PRUNE2: variants seen among roughly 807,000 people sequenced by gnomAD.
The protein encoded by PRUNE2 is prune homolog 2 with BCH domain.
In PRUNE2, 164 loss-of-function variants were observed where a neutral mutation model predicts 252.0. That is an observed-to-expected ratio of 0.65 (90% CI 0.57 to 0.74). The LOEUF (loss-of-function observed/expected upper bound fraction) is 0.74, where lower values mean the gene tolerates loss of function less well. Among genes scored for constraint, PRUNE2 ranks in the 30% least tolerant of loss-of-function variants. The pLI, the probability that PRUNE2 is intolerant of heterozygous loss-of-function variation, is 0.00. For missense variants in PRUNE2, 3,495 were observed against 3,711.0 expected (o/e 0.94, Z 1.51); for synonymous variants, 1,292 against 1,350.2 (o/e 0.96, Z 0.94).
chr9:76,768,050 G>C (rs984743324), intron 6 of PRUNE2, among the ~76,000 whole-genome samples: 4 of 152,152 alleles, frequency 2.6e-5, no homozygotes, highest in African/African-American at 7.2e-5. Context: ...AGGTCAGAGG[G>C]AGTCCTGTCA....
At chr9:76,866,624 G>T (rs1031019981) in intron 1 of PRUNE2, among the ~76,000 whole-genome samples, 1 of 152,118 alleles carries the variant, frequency 6.6e-6, no homozygotes, top group Non-Finnish European at 1.5e-5. Flanking sequence ...AGATGGGCAC[G>T]TGGAGTTCTC....
In PRUNE2 at chr9:76,619,207, A is replaced by G. The variant is rs1254116465; in HGVS notation, c.9236+133T>C. 5.0e-6 allele frequency: 3 copies of G among 600,356 alleles called. No individual in the cohort carries two copies. In the Admixed American group the frequency reaches 9.1e-5, roughly 18 times the overall value. 37.2% of individuals were successfully genotyped at this position (600,356 alleles called of 1,614,324 possible). On this transcript the variant is annotated intron_variant, in intron 18 of 18. Transcript: ENST00000376718. Reference sequence around the variant, plus strand: ...TGGCAAATATAGCTTCAGGTTTCTAATTTCAGGAATGGAGCACAGGAAAGC... The same window carrying G: ...TGGCAAATATAGCTTCAGGTTTCTAGTTTCAGGAATGGAGCACAGGAAAGC...
intron 1 of PRUNE2, among the ~76,000 whole-genome samples, chr9:76,863,806 T>C (rs769910519): frequency 6.6e-6 from 1 of 152,206 alleles, no homozygotes; most frequent in South Asian, 2.1e-4. Flanking sequence ...AAAATGATAA[T>C]GCAACTTAAA....
At chr9:76,809,746 T>C (rs2057228466) in intron 6 of PRUNE2, among the ~76,000 whole-genome samples, 1 of 152,128 alleles carries the variant, frequency 6.6e-6, no homozygotes, top group Non-Finnish European at 1.5e-5. Context: ...AATCTATGAA[T>C]GTAACAAAAT....
intron 3 of PRUNE2, among the ~76,000 whole-genome samples, chr9:76,847,104 A>T (rs1028085058): frequency 6.6e-6 from 1 of 152,152 alleles, no homozygotes; most frequent in African/African-American, 2.4e-5. Context: ...AAGCAGGCGA[A>T]TCATGAGGTC....
At chr9:76,788,175 C>T (rs1418136621) in intron 6 of PRUNE2, among the ~76,000 whole-genome samples, 1 of 152,168 alleles carries the variant, frequency 6.6e-6, no homozygotes, top group Non-Finnish European at 1.5e-5. Context: ...AGATTTGTGT[C>T]TCCTAAAGAC....
chr9:76,677,837 A>G lies in PRUNE2; in HGVS notation c.8277-22335T>C, dbSNP rs547843843. Among the ~76,000 whole-genome samples, 6 of 152,254 alleles carry G rather than the reference A, an allele frequency of 3.9e-5. No individual in the cohort carries two copies. In the South Asian group the frequency reaches 1.0e-3, roughly 26 times the overall value. ...GGAATCCATTCCCCGAGGTCAGCAT[A>G]TGAGCTCAAACCTGGGACTGACCGG... On this transcript the variant is annotated intron_variant, in intron 9 of 18. Coordinates refer to ENST00000376718, the MANE Select transcript of PRUNE2 (RefSeq NM_015225.3).
At chr9:76,877,504 A>ACG (rs1357679177) in intron 1 of PRUNE2, among the ~76,000 whole-genome samples, 3 of 152,010 alleles carry the variant, frequency 2.0e-5, no homozygotes, top group African/African-American at 7.3e-5. Flanking sequence ...ATTAAAACAC[A>ACG]CACACACACA....
intron 1 of PRUNE2, among the ~76,000 whole-genome samples, chr9:76,878,845 G>A (rs1172674583): frequency 6.6e-6 from 1 of 152,174 alleles, no homozygotes; most frequent in Non-Finnish European, 1.5e-5. Context: ...ATTATACAAA[G>A]ACTTCCCTTC....
intron 9 of PRUNE2, among the ~76,000 whole-genome samples, chr9:76,696,920 G>A (rs193214504): frequency 1.3e-5 from 2 of 152,196 alleles, no homozygotes; most frequent in African/African-American, 2.4e-5. Flanking sequence ...AATAACAGCC[G>A]TACTGCTCCT....
intron 6 of PRUNE2, among the ~76,000 whole-genome samples, chr9:76,795,040 A>G (rs2055949162): frequency 6.6e-6 from 1 of 152,182 alleles, no homozygotes; most frequent in Non-Finnish European, 1.5e-5. Context: ...CTGCTCTAAC[A>G]TATGGTCAGA....
rs865784691 is a variant in PRUNE2 at position 76,837,835 on chromosome 9, A to G, written c.508+8680T>C. 4.7e-4 allele frequency among the ~76,000 whole-genome samples: 70 copies of G among 150,002 alleles called. 1 individual carries two copies. The highest frequency in any genetic ancestry group is 6.4e-4 in the South Asian group (3 of 4,708). ...CGCCCAGGCTGGAGTGCAGTGGCGC[A>G]ATCTCGGCTCACTGCAAGCTCTGCC... On this transcript the variant is annotated intron_variant, in intron 4 of 18. Coordinates refer to ENST00000376718, the MANE Select transcript of PRUNE2 (RefSeq NM_015225.3).
At chr9:76,776,518 CTT>C (rs796197139) in intron 6 of PRUNE2, among the ~76,000 whole-genome samples, 79 of 122,820 alleles carry the variant, frequency 6.4e-4, no homozygotes, top group African/African-American at 2.2e-3. Context: ...TTTCTTTTTT[CTT>C]TTTTTTTTTT....
At chr9:76,615,000 G>T in intron 18 of PRUNE2, 6 of 631,614 alleles carry the variant, frequency 9.5e-6, no homozygotes, top group Non-Finnish European at 1.2e-5. Context: ...AGTAAGTAAT[G>T]TCTGACAAGC....
chr9:76,642,514 G>C (rs1432447424), intron 12 of PRUNE2, among the ~76,000 whole-genome samples: 1 of 152,194 alleles, frequency 6.6e-6, no homozygotes, highest in East Asian at 1.9e-4. Context: ...CCACCTTACA[G>C]TTTTTGGCAC....
At chr9:76,751,170 G>T (rs545551805) in intron 6 of PRUNE2, among the ~76,000 whole-genome samples, 82 of 152,240 alleles carry the variant, frequency 5.4e-4, no homozygotes, top group Non-Finnish European at 8.7e-4. Flanking sequence ...CTGCTAAGCA[G>T]TCTGGATGTA....
intron 6 of PRUNE2, among the ~76,000 whole-genome samples, chr9:76,790,512 T>C (rs11145066): frequency 0.025 from 3,874 of 152,274 alleles, 164 homozygotes; most frequent in African/African-American, 0.088. Context: ...AGGTACCATT[T>C]GATGTAGTTG....
At chr9:76,723,442 T>C (rs2047819334) in intron 6 of PRUNE2, among the ~76,000 whole-genome samples, 1 of 152,148 alleles carries the variant, frequency 6.6e-6, no homozygotes, top group Non-Finnish European at 1.5e-5. Context: ...TCAGAGAAAC[T>C]AGAAATTAGA....
At chr9:76,618,434 T>C (rs1411267890) in intron 18 of PRUNE2, among the ~76,000 whole-genome samples, 1 of 152,252 alleles carries the variant, frequency 6.6e-6, no homozygotes, top group Non-Finnish European at 1.5e-5. Context: ...AAGGGCAATG[T>C]TAAATTCTCC....
Sources: gnomAD v4.1 joint callset for allele counts (sites outside exome capture counted in the v4.1 genomes callset) on GRCh38, gnomAD v4.1.1 for gene constraint, MANE v1.5 for transcripts, NCBI Gene and HGNC (gene_info 2026-07-23, HGNC 2026-07-21) for gene names.